The following GABRB3 variants were observed in gnomAD, a reference collection of about 807,000 sequenced individuals.
GABRB3 encodes gamma-aminobutyric acid type A receptor subunit beta3.
GABRB3 carries 14 observed loss-of-function variants against 52.1 expected under a neutral mutation model. That is an observed-to-expected ratio of 0.27 (90% CI 0.18 to 0.42). The LOEUF (loss-of-function observed/expected upper bound fraction) is 0.42. Ranked by LOEUF, GABRB3 falls within the 10% of genes least tolerant of loss-of-function variation. The pLI, the probability that GABRB3 is intolerant of heterozygous loss-of-function variation, is 1.00. For missense variants in GABRB3, 307 were observed against 609.1 expected (o/e 0.50, Z 5.22); for synonymous variants, 260 against 232.3 (o/e 1.12, Z -1.08).
At chr15:26,759,288 T>C (rs1357066267) in intron 3 of GABRB3, among the ~76,000 whole-genome samples, 1 of 152,148 alleles carries the variant, frequency 6.6e-6, no homozygotes, top group Admixed American at 6.5e-5. Context: ...GGAGTCTCGC[T>C]CTGTAGCCCA....
intron 3 of GABRB3, chr15:26,629,128 C>A (rs1456678891): frequency 2.0e-6 from 3 of 1,524,204 alleles, no homozygotes; most frequent in Non-Finnish European, 2.6e-6. Context: ...ACAGGAGAGG[C>A]TGAAGCTCGG....
At chr15:26,612,362 TAATG>T in intron 4 of GABRB3, 1 of 152,100 alleles carries the variant, frequency 6.6e-6, no homozygotes, top group East Asian at 1.9e-4. Flanking sequence ...CTGTTGAAAA[TAATG>T]AAACATCAGA....
intron 3 of GABRB3, among the ~76,000 whole-genome samples, chr15:26,710,912 C>T (rs2873026): frequency 0.77 from 109,784 of 142,450 alleles, 42,471 homozygotes; most frequent in East Asian, 0.95. Flanking sequence ...TTTTTTTTTT[C>T]CATCTCTCAG....
At chr15:26,649,622 G>A (rs1433335210) in intron 3 of GABRB3, among the ~76,000 whole-genome samples, 3 of 149,070 alleles carry the variant, frequency 2.0e-5, no homozygotes, top group Non-Finnish European at 4.4e-5. Context: ...AGGAAAATGT[G>A]CTGAGCCCAT....
chr15:26,590,824 T>TA (rs1307738844), intron 4 of GABRB3, among the ~76,000 whole-genome samples: 1 of 152,222 alleles, frequency 6.6e-6, no homozygotes, highest in Non-Finnish European at 1.5e-5. Context: ...ATTACAACTC[T>TA]ACTCACCAAA....
intron 3 of GABRB3, among the ~76,000 whole-genome samples, chr15:26,711,263 G>A (rs917842632): frequency 1.3e-5 from 2 of 152,162 alleles, no homozygotes; most frequent in Non-Finnish European, 2.9e-5. Context: ...CCTTTTCTAT[G>A]AGGATGTCGG....
intron 3 of GABRB3, among the ~76,000 whole-genome samples, chr15:26,755,430 C>T (rs374703847): frequency 1.1e-4 from 16 of 152,232 alleles, no homozygotes; most frequent in African/African-American, 3.9e-4. Flanking sequence ...ATGACTTGAA[C>T]ATGTGTATTC....
intron 3 of GABRB3, among the ~76,000 whole-genome samples, chr15:26,764,465 C>T (rs915329478): frequency 1.3e-5 from 2 of 151,868 alleles, no homozygotes; most frequent in Admixed American, 1.3e-4. Context: ...GTAGTAAATG[C>T]TTCTGTGAGA....
chr15:26,690,394 A>T (rs573054393), intron 3 of GABRB3, among the ~76,000 whole-genome samples: 2 of 152,248 alleles, frequency 1.3e-5, no homozygotes, highest in Admixed American at 6.5e-5. Context: ...TTCTTGTACA[A>T]AAGCAGTTAC....
rs150886102 is a variant in GABRB3 at position 26,579,551 on chromosome 15, T to C, written c.682+768A>G. On this transcript the variant is annotated intron_variant, in intron 6 of 8. Coordinates refer to ENST00000311550, the MANE Select transcript of GABRB3 (RefSeq NM_000814.6). ...TTATGCACTCTTTGTTCAAGCTACA[T>C]GAACAGCTCTGCCTTCTCTTAGCAT... Among the ~76,000 whole-genome samples the C allele has an allele frequency of 6.1e-3, 937 of 152,358 alleles. 5 individuals carry two copies. The highest frequency in any genetic ancestry group is 0.018 in the African/African-American group (761 of 41,594).
At chr15:26,737,662 G>A (rs183635550) in intron 3 of GABRB3, among the ~76,000 whole-genome samples, 16 of 152,018 alleles carry the variant, frequency 1.1e-4, no homozygotes, top group Admixed American at 4.6e-4. Context: ...GGGATAATGG[G>A]GTTAAAATAA....
At chr15:26,605,337 A>G (rs1382429518) in intron 4 of GABRB3, among the ~76,000 whole-genome samples, 1 of 152,198 alleles carries the variant, frequency 6.6e-6, no homozygotes, top group Non-Finnish European at 1.5e-5. Flanking sequence ...TACAACCACC[A>G]TGCAGAAAAA....
chr15:26,621,441 C>T lies in GABRB3; in HGVS notation c.334G>A (p.Val112Met). 1 of 1,614,182 alleles carries T rather than the reference C, an allele frequency of 6.2e-7. No homozygotes were observed. Among genetic ancestry groups the T allele is most frequent in the Non-Finnish European group, 8.5e-7 (1 of 1,180,028 alleles). Reference protein sequence around the residue: ...IPLNLTLDNRVADQLWVPDTY... With the variant: ...IPLNLTLDNRMADQLWVPDTY... Reference sequence around the variant, plus strand: ...TCGGGCACCCATAGCTGGTCAGCCACTCGATTGTCAAGCGTGAGGTTGAGA... The same window carrying T: ...TCGGGCACCCATAGCTGGTCAGCCATTCGATTGTCAAGCGTGAGGTTGAGA... Residue 112 changes from valine to methionine, a missense_variant, in exon 4 of 9, where the codon GTG becomes ATG. Physicochemically the swap from Val to Met is conservative, Grantham distance 21. Transcript: ENST00000311550. The surrounding 1 kb of genome is among the most constrained non-coding windows in gnomAD (Gnocchi z 4.1).
In GABRB3 at chr15:26,772,461, C is replaced by T; in HGVS notation, c.181G>A (p.Val61Ile). The stretch of plus-strand genomic sequence containing the variant: ...ATGTCGATGTTCATCCCCACGCAGA[C>T]CGGGGGACCTGCGGGAAGCACAGGA... The part of the protein sequence containing the change: ...RLRPDFGGPP[V>I]CVGMNIDIAS... Residue 61 changes from valine to isoleucine, a missense_variant, in exon 3 of 9, where the codon GTC becomes ATC. Val to Ile is a conservative substitution (Grantham distance 29). Coordinates refer to ENST00000311550, the MANE Select transcript of GABRB3 (RefSeq NM_000814.6). 1 of 1,610,748 alleles carries T rather than the reference C, an allele frequency of 6.2e-7. No homozygotes were observed.
At chr15:26,580,741 C>T (rs1389497108) in intron 5 of GABRB3, 2 of 491,088 alleles carry the variant, frequency 4.1e-6, no homozygotes, top group Non-Finnish European at 7.5e-6. Context: ...AGAGCTGACC[C>T]AGACACCACA....
At chr15:26,645,827 G>C (rs1280652151) in intron 3 of GABRB3, among the ~76,000 whole-genome samples, 1 of 152,056 alleles carries the variant, frequency 6.6e-6, no homozygotes. Context: ...GGAGTGCAGT[G>C]GCCTTTGAAG....
chr15:26,680,233 C>T (rs1404751053), intron 3 of GABRB3, among the ~76,000 whole-genome samples: 1 of 152,216 alleles, frequency 6.6e-6, no homozygotes, highest in Admixed American at 6.5e-5. Flanking sequence ...TGTCAGCCTG[C>T]ACAGCAGATT....
chr15:26,744,791 T>G (rs1890295154), intron 3 of GABRB3, among the ~76,000 whole-genome samples: 1 of 140,154 alleles, frequency 7.1e-6, no homozygotes, highest in South Asian at 2.6e-4. Context: ...AAAATCATAT[T>G]TTCAATTTTC....
intron 3 of GABRB3, chr15:26,624,477 A>G: frequency 1.0e-6 from 1 of 985,464 alleles, no homozygotes; most frequent in Non-Finnish European, 1.2e-6. Context: ...AGAACTTGTC[A>G]GTCAGCCCTA....
Sources: allele counts gnomAD v4.1 joint callset (sites outside exome capture counted in the v4.1 genomes callset), GRCh38; gene constraint gnomAD v4.1.1; non-coding constraint Gnocchi (gnomAD v3.1); transcripts MANE v1.5; gene names NCBI Gene and HGNC (gene_info 2026-07-23, HGNC 2026-07-21).